The following SORCS1 variants were observed in gnomAD, a reference collection of about 807,000 sequenced individuals.
The protein encoded by SORCS1 is sortilin related VPS10 domain containing receptor 1.
A neutral mutation model predicts 146.1 loss-of-function variants in SORCS1; 60 were observed. That is an observed-to-expected ratio of 0.41 (90% CI 0.33 to 0.51). The LOEUF (loss-of-function observed/expected upper bound fraction) is 0.51. Ranked by LOEUF, SORCS1 falls within the 20% of genes least tolerant of loss-of-function variation. The pLI is 0.21. For missense variants in SORCS1, 1,352 were observed against 1,487.6 expected (o/e 0.91, Z 1.50); for synonymous variants, 637 against 584.0 (o/e 1.09, Z -1.31).
intron 1 of SORCS1, among the ~76,000 whole-genome samples, chr10:107,064,222 G>T (rs1030491485): frequency 6.6e-6 from 1 of 151,978 alleles, no homozygotes; most frequent in African/African-American, 2.4e-5. Flanking sequence ...CCAGCAGCTG[G>T]GCCTTACCTT....
At chr10:107,076,138 G>T (rs1962863448) in intron 1 of SORCS1, among the ~76,000 whole-genome samples, 1 of 152,098 alleles carries the variant, frequency 6.6e-6, no homozygotes, top group Non-Finnish European at 1.5e-5. Context: ...ACAGGTTAGT[G>T]ATACTGTGAA....
chr10:106,715,821 C>T (rs1316449476), intron 6 of SORCS1, among the ~76,000 whole-genome samples: 1 of 152,024 alleles, frequency 6.6e-6, no homozygotes, highest in Admixed American at 6.6e-5. Flanking sequence ...ACAGTGGCAG[C>T]GATCTCAGGT....
At chr10:106,956,979 CAGATT>C (rs1954975104) in intron 1 of SORCS1, among the ~76,000 whole-genome samples, 1 of 152,104 alleles carries the variant, frequency 6.6e-6, no homozygotes, top group Non-Finnish European at 1.5e-5. Flanking sequence ...GTGCATTGAG[CAGATT>C]ACCCAATGTG....
chr10:106,694,622 A>G (rs1301209734), intron 9 of SORCS1, among the ~76,000 whole-genome samples: 1 of 152,166 alleles, frequency 6.6e-6, no homozygotes, highest in Non-Finnish European at 1.5e-5. Context: ...CCTAAACTAG[A>G]TTGTAAGAGG....
intron 1 of SORCS1, among the ~76,000 whole-genome samples, chr10:107,072,416 G>A (rs1477306558): frequency 1.3e-5 from 2 of 152,060 alleles, no homozygotes; most frequent in African/African-American, 2.4e-5. Flanking sequence ...TAGATGCCTT[G>A]GAACGGCTAA....
At chr10:106,883,405 A>C (rs1241290968) in intron 2 of SORCS1, among the ~76,000 whole-genome samples, 2 of 147,592 alleles carry the variant, frequency 1.4e-5, no homozygotes. Context: ...TAAAAATATA[A>C]TTAGCAAATG....
intron 3 of SORCS1, among the ~76,000 whole-genome samples, chr10:106,812,478 C>T (rs1306038280): frequency 6.6e-6 from 1 of 152,168 alleles, no homozygotes; most frequent in Non-Finnish European, 1.5e-5. Flanking sequence ...TTAAATACCA[C>T]TTAGCTCAAA....
intron 5 of SORCS1, among the ~76,000 whole-genome samples, chr10:106,759,747 C>G (rs57509692): frequency 6.6e-6 from 1 of 152,016 alleles, no homozygotes; most frequent in Non-Finnish European, 1.5e-5. Flanking sequence ...CTTGCTGCCC[C>G]CTTCTCTCTC....
chr10:107,010,822 T>C (rs922837445), intron 1 of SORCS1, among the ~76,000 whole-genome samples: 3 of 152,206 alleles, frequency 2.0e-5, no homozygotes, highest in Non-Finnish European at 4.4e-5. Context: ...GTGTCCTGCA[T>C]GGCTTCTTTT....
chr10:106,611,818 G>GTTTC (rs2133419108), intron 22 of SORCS1, 93 bp downstream of exon 22: 6 of 1,030,588 alleles, frequency 5.8e-6, no homozygotes, highest in Non-Finnish European at 2.9e-6. Flanking sequence ...GGGTTAGTTT[G>GTTTC]TTTGTTTTTG....
chr10:106,869,983 C>T (rs1950347817), intron 2 of SORCS1, among the ~76,000 whole-genome samples: 1 of 151,954 alleles, frequency 6.6e-6, no homozygotes, highest in Non-Finnish European at 1.5e-5. Flanking sequence ...TGATAAACAA[C>T]TTCAGCAAAG....
In SORCS1 at chr10:106,706,645, A is replaced by C. The variant is rs1854554316; in HGVS notation, c.1144-11T>G. 6.2e-7 allele frequency: 1 copy of C among 1,613,904 alleles called. No individual in the cohort carries two copies. The highest frequency in any genetic ancestry group is 8.5e-7 in the Non-Finnish European group (1 of 1,179,762). On this transcript the variant is annotated splice_polypyrimidine_tract_variant and intron_variant, in intron 7 of 25. Coordinates refer to ENST00000263054, the MANE Select transcript of SORCS1 (RefSeq NM_052918.5). The stretch of plus-strand genomic sequence containing the variant: ...CCCTCCTGATGTCAGCTGGATCATA[A>C]AAACAAGACTGTAAGAAGCTCGAGC...
chr10:106,667,595 G>T, intron 17 of SORCS1, 94 bp downstream of exon 17: 1 of 818,528 alleles, frequency 1.2e-6, no homozygotes, highest in African/African-American at 1.7e-5. Flanking sequence ...AAGGAAATAT[G>T]CTTGGTCCTT....
chr10:107,040,923 C>T (rs890028666), intron 1 of SORCS1, among the ~76,000 whole-genome samples: 5 of 152,096 alleles, frequency 3.3e-5, no homozygotes, highest in African/African-American at 1.2e-4. Context: ...TCATACACAG[C>T]CCAAAGAGCA....
At chr10:106,876,844 C>T (rs1433664669) in intron 2 of SORCS1, among the ~76,000 whole-genome samples, 1 of 151,964 alleles carries the variant, frequency 6.6e-6, no homozygotes, top group Admixed American at 6.6e-5. Flanking sequence ...TCTCGTGTCT[C>T]TTGCAAATAC....
At chr10:106,770,809 A>C (rs1404808063) in intron 4 of SORCS1, among the ~76,000 whole-genome samples, 1 of 152,190 alleles carries the variant, frequency 6.6e-6, no homozygotes, top group African/African-American at 2.4e-5. Flanking sequence ...CTAAATGAAC[A>C]CCTGCTCTCC....
intron 1 of SORCS1, among the ~76,000 whole-genome samples, chr10:106,980,767 C>CG (rs1208206521): frequency 1.3e-5 from 2 of 152,088 alleles, no homozygotes. Context: ...CTTTATAAGA[C>CG]CAACTGTAAT....
rs1311256265 is a variant in SORCS1 at position 106,574,357 on chromosome 10, A to C, written c.*3063T>G. On this transcript the variant is annotated 3_prime_UTR_variant, in exon 26 of 26. Transcript: ENST00000263054. ...TAGCTTGCCCTGAATCTTACCTTCC[A>C]CATACATCCCTCCCTACACACTCCT... 1.3e-5 allele frequency: 2 copies of C among 152,532 alleles called. No individual in the cohort carries two copies. Among genetic ancestry groups the C allele is most frequent in the East Asian group, 3.9e-4 (2 of 5,168 alleles). 9.4% of individuals were successfully genotyped at this position (152,532 alleles called of 1,614,324 possible).
chr10:106,772,470 ATCTCTC>A (rs370234577), intron 4 of SORCS1, among the ~76,000 whole-genome samples: 1 of 127,560 alleles, frequency 7.8e-6, no homozygotes, highest in Non-Finnish European at 1.7e-5. Flanking sequence ...CAATCAATCA[ATCTCTC>A]TCTCTCTCTC....
Sources: gnomAD v4.1 joint callset for allele counts (sites outside exome capture counted in the v4.1 genomes callset) on GRCh38, gnomAD v4.1.1 for gene constraint, MANE v1.5 for transcripts, NCBI Gene and HGNC (gene_info 2026-07-23, HGNC 2026-07-21) for gene names.